Variants in ANKS1B observed in about 807,000 individuals in gnomAD.
ANKS1B encodes the protein ankyrin repeat and sterile alpha motif domain containing 1B, also known as ankyrin repeat and sterile alpha motif domain-containing protein 1B.
ANKS1B carries 36 observed loss-of-function variants against 148.3 expected under a neutral mutation model. That is an observed-to-expected ratio of 0.24 (90% confidence interval 0.19 to 0.32). The LOEUF (loss-of-function observed/expected upper bound fraction) is 0.32. Ranked by LOEUF, ANKS1B falls within the 10% of genes least tolerant of loss-of-function variation. The pLI is 1.00. For missense variants in ANKS1B, 1,157 were observed against 1,542.6 expected (o/e 0.75, Z 4.19); for synonymous variants, 542 against 560.8 (o/e 0.97, Z 0.47).
At chr12:99,055,799 G>A (rs1010431488) in intron 16 of ANKS1B, among the ~76,000 whole-genome samples, 1 of 152,036 alleles carries the variant, frequency 6.6e-6, no homozygotes, top group Non-Finnish European at 1.5e-5. Flanking sequence ...CATTTTACAT[G>A]GTTGGAAAGT....
At chr12:99,290,226 A>C in intron 12 of ANKS1B, among the ~76,000 whole-genome samples, 1 of 151,820 alleles carries the variant, frequency 6.6e-6, no homozygotes, top group Admixed American at 6.6e-5. Flanking sequence ...GAAGAAATCC[A>C]AAACCTGAAT....
chr12:99,731,182 G>C (rs531394970), intron 8 of ANKS1B, among the ~76,000 whole-genome samples: 5 of 148,222 alleles, frequency 3.4e-5, no homozygotes, highest in Non-Finnish European at 7.5e-5. Context: ...GCAGTGGCAC[G>C]ATCTCGGCTC....
intron 1 of ANKS1B, among the ~76,000 whole-genome samples, chr12:99,895,581 G>C (rs1279376670): frequency 1.3e-5 from 2 of 150,820 alleles, no homozygotes; most frequent in African/African-American, 2.4e-5. Context: ...AAACAAACTT[G>C]ACTAAATCAA....
At chr12:99,869,724 T>C (rs1472739765) in intron 1 of ANKS1B, among the ~76,000 whole-genome samples, 4 of 147,452 alleles carry the variant, frequency 2.7e-5, no homozygotes, top group Non-Finnish European at 6.0e-5. Context: ...AGAGAAACAA[T>C]GATCTTTTCA....
At chr12:99,980,083 G>A (rs982289580) in intron 1 of ANKS1B, among the ~76,000 whole-genome samples, 2 of 151,388 alleles carry the variant, frequency 1.3e-5, no homozygotes, top group Non-Finnish European at 3.0e-5. Context: ...CAGATAAAAA[G>A]GAACAGGAAT....
At chr12:99,646,847 G>A (rs1486492821) in intron 9 of ANKS1B, among the ~76,000 whole-genome samples, 1 of 150,322 alleles carries the variant, frequency 6.7e-6, no homozygotes, top group Non-Finnish European at 1.5e-5. Flanking sequence ...ACAATCTGAT[G>A]GTAAAGAATA....
chr12:99,471,507 A>C, intron 10 of ANKS1B, among the ~76,000 whole-genome samples: 1 of 152,050 alleles, frequency 6.6e-6, no homozygotes. Context: ...ACTTATGCTC[A>C]ACATCTATTT....
intron 17 of ANKS1B, among the ~76,000 whole-genome samples, chr12:98,864,071 G>A (rs2099612767): frequency 1.3e-5 from 2 of 151,594 alleles, no homozygotes; most frequent in Admixed American, 1.3e-4. Flanking sequence ...TTCCTTGAAG[G>A]AAGGAACTAT....
intron 17 of ANKS1B, among the ~76,000 whole-genome samples, chr12:98,949,342 A>G (rs1176544400): frequency 6.6e-6 from 1 of 152,156 alleles, no homozygotes; most frequent in Admixed American, 6.5e-5. Flanking sequence ...TCTCAGGCCT[A>G]TGCAGCTGCC....
At chr12:98,820,978 TAAC>T (rs2099184689) in intron 19 of ANKS1B, among the ~76,000 whole-genome samples, 1 of 152,176 alleles carries the variant, frequency 6.6e-6, no homozygotes, top group African/African-American at 2.4e-5. Context: ...CTCAAAATAA[TAAC>T]AATAATTTCT....
At position 99,932,778 on chromosome 12, in the gene ANKS1B, C is replaced by A. The variant is rs543868194; in HGVS notation, c.134+51326G>T. On this transcript the variant is annotated intron_variant, in intron 1 of 26. Transcript: ENST00000683438. ...CAGAAGCTTTTTAACTTGATGTGAT[C>A]CCATTTGTCCATGTTTGCTTTGGTT... Among the ~76,000 whole-genome samples the A allele has an allele frequency of 2.0e-5, 3 of 152,156 alleles. No homozygotes were observed. In the East Asian group the frequency reaches 5.8e-4, roughly 29 times the overall value.
chr12:99,717,242 C>T (rs2057447625), intron 8 of ANKS1B, among the ~76,000 whole-genome samples: 1 of 152,088 alleles, frequency 6.6e-6, no homozygotes, highest in Admixed American at 6.6e-5. Context: ...AATTAAATTC[C>T]GGCCCTCAAA....
chr12:99,217,244 T>G (rs766728056), intron 14 of ANKS1B, among the ~76,000 whole-genome samples: 2 of 152,048 alleles, frequency 1.3e-5, no homozygotes, highest in East Asian at 3.9e-4. Flanking sequence ...CTCCTCCCCC[T>G]GAACAACACG....
chr12:99,045,172 C>T lies in ANKS1B; in HGVS notation c.2778+7985G>A, dbSNP rs746129884. On this transcript the variant is annotated intron_variant, in intron 17 of 26. Transcript: ENST00000683438. ...TTGAAAACTGACTGTAATCTACTCT[C>T]TTCTTGATACATGGGTTATAATTAC... 5.1e-4 allele frequency among the ~76,000 whole-genome samples: 77 copies of T among 152,194 alleles called. 1 individual carries two copies. The highest frequency in any genetic ancestry group is 1.0e-4 in the Non-Finnish European group (7 of 68,030).
chr12:99,518,864 G>A (rs1287823193), intron 9 of ANKS1B, among the ~76,000 whole-genome samples: 1 of 151,880 alleles, frequency 6.6e-6, no homozygotes, highest in Non-Finnish European at 1.5e-5. Flanking sequence ...ACACTTATAG[G>A]ATAAACTTTC....
intron 17 of ANKS1B, among the ~76,000 whole-genome samples, chr12:98,931,278 A>T (rs2099813478): frequency 6.6e-6 from 1 of 152,180 alleles, no homozygotes; most frequent in African/African-American, 2.4e-5. Context: ...CTGAAGTAGA[A>T]CTTCAAATTA....
At chr12:99,681,528 T>TC in intron 8 of ANKS1B, among the ~76,000 whole-genome samples, 1 of 152,094 alleles carries the variant, frequency 6.6e-6, no homozygotes, top group East Asian at 1.9e-4. Context: ...TTGCAGACAC[T>TC]CCCCAGTACC....
chr12:98,839,989 C>G (rs1192743706), intron 17 of ANKS1B, among the ~76,000 whole-genome samples: 2 of 152,126 alleles, frequency 1.3e-5, no homozygotes, highest in Non-Finnish European at 2.9e-5. Flanking sequence ...GATATAGTGT[C>G]ACTGCATCTC....
intron 9 of ANKS1B, among the ~76,000 whole-genome samples, chr12:99,506,158 C>T (rs534097214): frequency 6.8e-4 from 104 of 152,090 alleles, no homozygotes; most frequent in African/African-American, 2.4e-3. Context: ...GTCAAAAACT[C>T]GTAAGTTGAA....
Sources: gnomAD v4.1 joint callset for allele counts (sites outside exome capture counted in the v4.1 genomes callset) on GRCh38, gnomAD v4.1.1 for gene constraint, MANE v1.5 for transcripts, NCBI Gene and HGNC (gene_info 2026-07-23, HGNC 2026-07-21) for gene names.